Variants in CCDC68 observed in about 807,000 individuals in gnomAD.
The protein encoded by CCDC68 is coiled-coil domain containing 68, also known as coiled-coil domain-containing protein 68.
A neutral mutation model predicts 47.1 loss-of-function variants in CCDC68; 45 were observed. The observed-to-expected ratio is 0.96, with a 90% CI of 0.75 to 1.23. CCDC68 has a LOEUF of 1.23. Ranked by LOEUF, CCDC68 falls within the 50% of genes most tolerant of loss-of-function variation. The pLI, the probability that CCDC68 is intolerant of heterozygous loss-of-function variation, is 0.00. For missense variants in CCDC68, 353 were observed against 373.6 expected (o/e 0.94, Z 0.45); for synonymous variants, 131 against 129.5 (o/e 1.01, Z -0.08).
intron 4 of CCDC68, among the ~76,000 whole-genome samples, chr18:54,939,746 C>A (rs1409984320): frequency 2.0e-5 from 3 of 152,184 alleles, no homozygotes; most frequent in Non-Finnish European, 2.9e-5. Context: ...GCTTCTGAAA[C>A]CCTCTCCTCA....
chr18:54,953,533 CACACACAT>C (rs1208047103), intron 1 of CCDC68, among the ~76,000 whole-genome samples: 3 of 74,944 alleles, frequency 4.0e-5, no homozygotes, highest in Non-Finnish European at 8.2e-5. Context: ...CACACACACA[CACACACAT>C]ATATATATAT....
At chr18:54,914,517 G>A (rs2043911518) in intron 10 of CCDC68, among the ~76,000 whole-genome samples, 1 of 152,048 alleles carries the variant, frequency 6.6e-6, no homozygotes, top group Admixed American at 6.6e-5. Flanking sequence ...ATTTGGGAGT[G>A]TGAGGTAGGA....
intron 1 of CCDC68, among the ~76,000 whole-genome samples, chr18:54,947,655 A>G (rs777446167): frequency 3.3e-5 from 5 of 152,244 alleles, no homozygotes; most frequent in African/African-American, 4.8e-5. Context: ...AGCACATTTA[A>G]TATATAATAA....
In CCDC68 at chr18:54,902,586, T is replaced by C. The variant is rs1273535074; in HGVS notation, c.*1772A>G. ...GCAGGGAAGTTTGTCTGAACTGAGT[T>C]CTCACAATGGTAGTCCAGCTGGTGA... On this transcript the variant is annotated 3_prime_UTR_variant, in exon 12 of 12. Coordinates refer to ENST00000591504, the MANE Select transcript of CCDC68 (RefSeq NM_025214.3). 1 of 152,220 alleles carries C rather than the reference T, an allele frequency of 6.6e-6. No individual in the cohort carries two copies. Among genetic ancestry groups the C allele is most frequent in the Non-Finnish European group, 1.5e-5 (1 of 68,026 alleles). 9.4% of individuals were successfully genotyped at this position (152,220 alleles called of 1,614,324 possible).
Position 54,919,352 on chromosome 18 carries a change from A to G in CCDC68, c.708T>C (p.Ile236=), listed in dbSNP as rs772192111. 6.2e-6 allele frequency: 10 copies of G among 1,613,960 alleles called. No homozygotes were observed. The Admixed American group carries it at 1.7e-4, about 27-fold the overall frequency. ...GKSCQDLQRE[I]SILQEQISHL... ...GAGAGATCTGCTCCTGGAGAATGGAAATCTCCCTCTGAAGATCCTGGCAAC... is the reference window on the plus strand; with the variant it reads ...GAGAGATCTGCTCCTGGAGAATGGAGATCTCCCTCTGAAGATCCTGGCAAC... The change falls in exon 9 of 12, where the codon ATT becomes ATC. Residue 236 remains isoleucine, a synonymous_variant. Coordinates refer to ENST00000591504, the MANE Select transcript of CCDC68 (RefSeq NM_025214.3).
In CCDC68 at chr18:54,946,169, T is replaced by C. The variant is rs559662636; in HGVS notation, c.-102-692A>G. ...ATGAAAATTATATGAAGTTCAAATGTAGTGCCTATAAATGAAGTTTTACTC... is the reference window on the plus strand; with the variant it reads ...ATGAAAATTATATGAAGTTCAAATGCAGTGCCTATAAATGAAGTTTTACTC... On this transcript the variant is annotated intron_variant, in intron 1 of 11. Transcript: ENST00000591504. Among the ~76,000 whole-genome samples the C allele has an allele frequency of 3.3e-5, 5 of 152,358 alleles. No individual in the cohort carries two copies. The South Asian group carries it at 8.3e-4, about 25-fold the overall frequency.
intron 9 of CCDC68, among the ~76,000 whole-genome samples, chr18:54,918,439 G>C (rs1176210251): frequency 6.6e-6 from 1 of 152,212 alleles, no homozygotes; most frequent in African/African-American, 2.4e-5. Flanking sequence ...GAGGCAATGT[G>C]GAATTGGGAG....
At chr18:54,936,183 GATAA>G (rs2044340819) in intron 6 of CCDC68, among the ~76,000 whole-genome samples, 1 of 137,820 alleles carries the variant, frequency 7.3e-6, no homozygotes, top group Non-Finnish European at 1.6e-5. Flanking sequence ...TAATTATATA[GATAA>G]ATATATATAA....
intron 6 of CCDC68, among the ~76,000 whole-genome samples, chr18:54,936,434 C>G (rs1011993525): frequency 5.3e-5 from 8 of 151,870 alleles, no homozygotes; most frequent in African/African-American, 1.9e-4. Flanking sequence ...TAGCCCAACT[C>G]TTTCATTCTA....
intron 3 of CCDC68, 50 bp from the exon 4 acceptor site, chr18:54,941,133 C>T (rs746148044): frequency 3.6e-5 from 47 of 1,311,348 alleles, no homozygotes; most frequent in South Asian, 1.7e-4. Flanking sequence ...TAATGCCAAA[C>T]GCTTTTTTTC....
At chr18:54,927,583 A>C (rs2044166949) in intron 8 of CCDC68, among the ~76,000 whole-genome samples, 1 of 152,262 alleles carries the variant, frequency 6.6e-6, no homozygotes, top group South Asian at 2.1e-4. Context: ...AGATGTACTT[A>C]GAATTAAGTT....
intron 11 of CCDC68, among the ~76,000 whole-genome samples, chr18:54,906,968 T>C (rs1380371947): frequency 6.6e-6 from 1 of 152,220 alleles, no homozygotes; most frequent in East Asian, 1.9e-4. Context: ...ATGCTAATCA[T>C]AGTGGGTCTG....
Position 54,957,623 on chromosome 18 carries a change from A to ACTCT in CCDC68, c.-103+1712_-103+1713insAGAG, listed in dbSNP as rs1478919126. On this transcript the variant is annotated intron_variant, in intron 1 of 11. Coordinates refer to ENST00000591504, the MANE Select transcript of CCDC68 (RefSeq NM_025214.3). Reference sequence around the variant, plus strand: ...TCTAAAACAATGTACACACACACACACACACTCTCTCTCTCTCTCTCTCTC... The same window carrying ACTCT: ...TCTAAAACAATGTACACACACACACACTCTCACACTCTCTCTCTCTCTCTCTCTC... Among the ~76,000 whole-genome samples the ACTCT allele has an allele frequency of 9.9e-3, 871 of 88,136 alleles. 5 individuals are homozygous for ACTCT. Among genetic ancestry groups the ACTCT allele is most frequent in the African/African-American group, 0.027 (736 of 27,440 alleles). 57.8% of individuals were successfully genotyped at this position (88,136 alleles called of 152,430 possible). A position where few individuals can be genotyped will look rare whatever the true frequency, so the allele number is the denominator to read the frequency against.
Position 54,942,698 on chromosome 18 carries a change from C to G in CCDC68, c.94G>C (p.Glu32Gln). The G allele has an allele frequency of 6.2e-7, 1 of 1,603,868 alleles. No individual in the cohort carries two copies. Among genetic ancestry groups the G allele is most frequent in the Non-Finnish European group, 8.5e-7 (1 of 1,173,436 alleles). The change falls in exon 3 of 12, where the codon GAA (glutamate) becomes CAA (glutamine). Residue 32 changes from glutamate (E) to glutamine (Q), a missense_variant. By Grantham distance (29) the Glu-to-Gln change is conservative. Transcript: ENST00000591504. ...ACCTTTTTCACATACTCGGTTTCTT[C>G]AATAATGTGAGCGGACGTAGACTCA... ...LYESTSAHII[E>Q]ETEYVKKIRT...
rs547079620 is a variant in CCDC68, at chr18:54,904,433, C to G, written c.951-18G>C. 2.1e-4 allele frequency: 344 copies of G among 1,603,638 alleles called. No homozygotes were observed. Among genetic ancestry groups the G allele is most frequent in the Non-Finnish European group, 2.7e-4 (321 of 1,170,938 alleles). On this transcript the variant is annotated intron_variant, in intron 11 of 11. Transcript: ENST00000591504. ...TCAATTCACTGTAGAAAAGACAACA[C>G]GATGATCAAAATGGAGAATGTTAAA...
In CCDC68 at chr18:54,910,109, G is replaced by C. The variant is rs938265988; in HGVS notation, c.874-2247C>G. Among the ~76,000 whole-genome samples, 7 of 152,206 alleles carry C rather than the reference G, an allele frequency of 4.6e-5. No homozygotes were observed. The East Asian group carries it at 1.3e-3, about 29-fold the overall frequency. On this transcript the variant is annotated intron_variant, in intron 10 of 11. Transcript: ENST00000591504. The stretch of plus-strand genomic sequence containing the variant: ...ACAGCTCAGAGGAAACCTGCAGGGG[G>C]CAGCTCCCTTCTGCAGCCAGGGTGT...
chr18:54,952,886 G>C (rs1054403420), intron 1 of CCDC68, among the ~76,000 whole-genome samples: 2 of 152,086 alleles, frequency 1.3e-5, no homozygotes, highest in South Asian at 2.1e-4. Flanking sequence ...GGCGGTGCAC[G>C]TGCGTAATCA....
At chr18:54,910,747 G>T (rs372223963) in intron 10 of CCDC68, among the ~76,000 whole-genome samples, 1 of 152,258 alleles carries the variant, frequency 6.6e-6, no homozygotes, top group Non-Finnish European at 1.5e-5. Flanking sequence ...TCCAGAGGGG[G>T]TTGAGGCAGA....
intron 10 of CCDC68, among the ~76,000 whole-genome samples, chr18:54,914,794 A>T (rs956313113): frequency 6.6e-6 from 1 of 152,178 alleles, no homozygotes; most frequent in Non-Finnish European, 1.5e-5. Flanking sequence ...ATAATTGCTG[A>T]ATAGTCGGTA....
Sources: gnomAD v4.1 joint callset for allele counts (sites outside exome capture counted in the v4.1 genomes callset) on GRCh38, gnomAD v4.1.1 for gene constraint, MANE v1.5 for transcripts, NCBI Gene and HGNC (gene_info 2026-07-23, HGNC 2026-07-21) for gene names.